The following ZNF197 variants were observed in gnomAD, a reference collection of about 807,000 sequenced individuals.
ZNF197 encodes the protein zinc finger protein 197, also known as VHL-associated KRAB-A domain-containing protein.
ZNF197 carries 14 observed loss-of-function variants against 27.4 expected under a neutral mutation model. The observed-to-expected ratio is 0.51, with a 90% CI of 0.34 to 0.80. The LOEUF (loss-of-function observed/expected upper bound fraction) is 0.80. ZNF197 is among the 30% of genes least tolerant of loss of function. The pLI is 0.02. For synonymous variants in ZNF197, 415 were observed against 420.0 expected (o/e 0.99, Z 0.15); for missense variants, 1,090 against 1,222.6 (o/e 0.89, Z 1.62).
chr3:44,630,626 G>A (rs1463703046), intron 2 of ZNF197, among the ~76,000 whole-genome samples: 1 of 152,206 alleles, frequency 6.6e-6, no homozygotes, highest in African/African-American at 2.4e-5. Context: ...AAAACCAAGT[G>A]TCTTGGTGCC....
In ZNF197 at chr3:44,643,751, A is replaced by G; in HGVS notation, c.2621A>G (p.Tyr874Cys). ...HQRIHSGEKT[Y>C]ECHVCRKVLT... ...AGAATTCACAGTGGAGAAAAAACCT[A>G]CGAATGTCATGTATGTAGGAAAGTC... is the stretch of plus-strand genomic sequence containing the variant. The change falls in exon 6 of 6, where the codon TAC becomes TGC. Residue 874 changes from tyrosine to cysteine, a missense_variant. Physicochemically the swap from Tyr to Cys is radical, Grantham distance 194. Coordinates refer to ENST00000344387, the MANE Select transcript of ZNF197 (RefSeq NM_006991.5). 1.9e-6 allele frequency: 3 copies of G among 1,614,064 alleles called. No homozygotes were observed. Among genetic ancestry groups the G allele is most frequent in the Non-Finnish European group, 2.5e-6 (3 of 1,180,018 alleles).
rs763091725 is a variant in ZNF197, at chr3:44,629,381, G to T, written c.227G>T (p.Arg76Leu). ...CGCCGGTGGCTGAGACCAGAAGCAC[G>T]CACCAAGGCACAGATCCTGGAGCTG... ...LCRRWLRPEA[R>L]TKAQILELLV... The change falls in exon 2 of 6, where the codon CGC (arginine) becomes CTC (leucine). Residue 76 changes from arginine to leucine, a missense_variant. Arg to Leu is a moderately radical substitution (Grantham distance 102). Coordinates refer to ENST00000344387, the MANE Select transcript of ZNF197 (RefSeq NM_006991.5). The T allele has an allele frequency of 6.2e-7, 1 of 1,614,080 alleles. No homozygotes were observed.
intron 5 of ZNF197, among the ~76,000 whole-genome samples, chr3:44,636,407 A>G (rs1314236291): frequency 1.3e-5 from 2 of 152,112 alleles, no homozygotes; most frequent in Non-Finnish European, 2.9e-5. Context: ...ATCCAGCCCT[A>G]GCAGGCACCA....
chr3:44,625,764 A>G (rs1226176331), intron 1 of ZNF197, among the ~76,000 whole-genome samples: 2 of 151,908 alleles, frequency 1.3e-5, no homozygotes, highest in Admixed American at 1.3e-4. Flanking sequence ...ACACACACAC[A>G]CACACACACA....
At chr3:44,635,676 T>C (rs1303221006) in intron 5 of ZNF197, among the ~76,000 whole-genome samples, 1 of 152,196 alleles carries the variant, frequency 6.6e-6, no homozygotes, top group Non-Finnish European at 1.5e-5. Flanking sequence ...TAAGAAATAT[T>C]GAGTACCTCC....
In ZNF197 at chr3:44,642,239, A is replaced by C; in HGVS notation, c.1109A>C (p.Tyr370Ser). 6.2e-7 allele frequency: 1 copy of C among 1,614,128 alleles called. No homozygotes were observed. ...ATAGGTACTGAAGGAAAGAAGTTTT[A>C]TAAATGTGATATGTGTTGTAAACAT... ...SLIGTEGKKF[Y>S]KCDMCCKHFN... Residue 370 changes from tyrosine (Y) to serine (S), a missense_variant, in exon 6 of 6, where the codon TAT (tyrosine) becomes TCT (serine). Physicochemically the swap from Tyr to Ser is moderately radical, Grantham distance 144. Coordinates refer to ENST00000344387, the MANE Select transcript of ZNF197 (RefSeq NM_006991.5).
chr3:44,632,527 T>C lies in ZNF197; in HGVS notation c.697T>C (p.Cys233Arg). ...SVCFTSEEWA[C>R]LGPIQRALYW... ...ATGCTTCACTTCAGAGGAATGGGCA[T>C]GTCTGGGCCCAATCCAGAGGGCCTT... is the stretch of plus-strand genomic sequence containing the variant. Residue 233 changes from cysteine to arginine, a missense_variant, in exon 5 of 6, where the codon TGT becomes CGT. By Grantham distance (180) the Cys-to-Arg change is radical. Transcript: ENST00000344387. The C allele has an allele frequency of 6.2e-7, 1 of 1,610,856 alleles. No individual in the cohort carries two copies. The highest frequency in any genetic ancestry group is 8.5e-7 in the Non-Finnish European group (1 of 1,178,800).
intron 3 of ZNF197, among the ~76,000 whole-genome samples, chr3:44,631,769 C>T (rs1277504555): frequency 6.6e-6 from 1 of 151,204 alleles, no homozygotes; most frequent in South Asian, 2.1e-4. Context: ...GGCACAATCT[C>T]GGCTCACTGC....
At chr3:44,632,637 C>T in intron 5 of ZNF197, 38 bp downstream of exon 5, 1 of 1,432,588 alleles carries the variant, frequency 7.0e-7, no homozygotes, top group Non-Finnish European at 9.2e-7. Context: ...ACCTTTATTT[C>T]ACCAGCCTTT....
chr3:44,631,898 T>C (rs1376804138), intron 3 of ZNF197, among the ~76,000 whole-genome samples: 2 of 151,928 alleles, frequency 1.3e-5, no homozygotes, highest in African/African-American at 4.8e-5. Context: ...AGACAGGGTT[T>C]CACCATGTTG....
chr3:44,631,061 G>T lies in ZNF197; in HGVS notation c.391-1G>T. 6.2e-7 allele frequency: 1 copy of T among 1,613,982 alleles called. No homozygotes were observed. The highest frequency in any genetic ancestry group is 8.5e-7 in the Non-Finnish European group (1 of 1,179,962). On this transcript the variant is annotated splice_acceptor_variant, in intron 2 of 5. Coordinates refer to ENST00000344387, the MANE Select transcript of ZNF197 (RefSeq NM_006991.5). LOFTEE classifies it high-confidence loss of function. The stretch of plus-strand genomic sequence containing the variant: ...AGCTAGCTTATTTTACTTGTTTCCA[G>T]GTTCCAGTCCTTGTCAAGGATCAGG...
chr3:44,632,585 A>G lies in ZNF197; in HGVS notation c.755A>G (p.Asn252Ser). 6.3e-7 allele frequency: 1 copy of G among 1,582,392 alleles called. No individual in the cohort carries two copies. ...GATGTGATGCTGGAGAATTATGGAAATGTGACCTCCCTAGGTAAGGATTCT... is the reference window on the plus strand; with the variant it reads ...GATGTGATGCTGGAGAATTATGGAAGTGTGACCTCCCTAGGTAAGGATTCT... ...YWDVMLENYG[N>S]VTSLEWETMT... Residue 252 changes from asparagine to serine, a missense_variant, in exon 5 of 6, where the codon AAT (asparagine) becomes AGT (serine). Physicochemically the swap from Asn to Ser is conservative, Grantham distance 46. Coordinates refer to ENST00000344387, the MANE Select transcript of ZNF197 (RefSeq NM_006991.5).
chr3:44,628,893 T>A (rs1035245067), intron 1 of ZNF197, 181 bp from the exon 2 acceptor site: 3 of 326,000 alleles, frequency 9.2e-6, no homozygotes, highest in Non-Finnish European at 1.7e-5. Flanking sequence ...AACATGAGTG[T>A]TTGTATCCCA....
Position 44,646,659 on chromosome 3 carries a change from T to C in ZNF197, c.*2439T>C. The C allele has an allele frequency of 1.5e-6, 1 of 648,034 alleles. No individual in the cohort carries two copies. The highest frequency in any genetic ancestry group is 2.8e-6 in the Non-Finnish European group (1 of 357,666). 40.1% of individuals were successfully genotyped at this position (648,034 alleles called of 1,614,324 possible). On this transcript the variant is annotated 3_prime_UTR_variant, in exon 6 of 6. Coordinates refer to ENST00000344387, the MANE Select transcript of ZNF197 (RefSeq NM_006991.5). Reference sequence around the variant, plus strand: ...TGTTCAAGCTGTCTTGAGTCTGCTGTGAGTTTATTATACCATTCTCTGCTT... The same window carrying C: ...TGTTCAAGCTGTCTTGAGTCTGCTGCGAGTTTATTATACCATTCTCTGCTT...
In ZNF197 at chr3:44,647,926, T is replaced by C. The variant is rs2125833228; in HGVS notation, c.*3706T>C. The stretch of plus-strand genomic sequence containing the variant: ...TACACAAATCTATAGGTGCTATACC[T>C]ATACACACATACTGTACCAATGTTG... On this transcript the variant is annotated 3_prime_UTR_variant, in exon 6 of 6. Coordinates refer to ENST00000344387, the MANE Select transcript of ZNF197 (RefSeq NM_006991.5). 6.6e-6 allele frequency: 1 copy of C among 152,316 alleles called. No individual in the cohort carries two copies. Among genetic ancestry groups the C allele is most frequent in the South Asian group, 2.1e-4 (1 of 4,830 alleles). 9.4% of individuals were successfully genotyped at this position (152,316 alleles called of 1,614,324 possible).
Position 44,644,701 on chromosome 3 carries a change from T to C in ZNF197, c.*481T>C, listed in dbSNP as rs1208202160. 3.0e-6 allele frequency: 3 copies of C among 986,180 alleles called. No homozygotes were observed. The highest frequency in any genetic ancestry group is 4.7e-5 in the South Asian group (1 of 21,330). The allele number at this position is 986,180 out of a possible 1,614,324, so 61.1% of individuals were successfully genotyped here. Reference sequence around the variant, plus strand: ...AAAACATAATCCAAATCTAATAACATAGTTGTAAATGAGAGCAACAATAAA... The same window carrying C: ...AAAACATAATCCAAATCTAATAACACAGTTGTAAATGAGAGCAACAATAAA... On this transcript the variant is annotated 3_prime_UTR_variant, in exon 6 of 6. Coordinates refer to ENST00000344387, the MANE Select transcript of ZNF197 (RefSeq NM_006991.5).
rs757003109 is a variant in ZNF197 at position 44,643,330 on chromosome 3, T to G, written c.2200T>G (p.Tyr734Asp). ...HQKLHTQEKA[Y>D]KCEDCGKAFS... ...GAAACTCCATACACAAGAGAAAGCC[T>G]ACAAATGTGAGGATTGTGGGAAGGC... Residue 734 changes from tyrosine (Y) to aspartate (D), a missense_variant, in exon 6 of 6, where the codon TAC becomes GAC. Tyr to Asp is a radical substitution (Grantham distance 160). Transcript: ENST00000344387. The G allele has an allele frequency of 1.2e-6, 2 of 1,613,940 alleles. No homozygotes were observed. Among genetic ancestry groups the G allele is most frequent in the Admixed American group, 3.3e-5 (2 of 59,988 alleles).
At chr3:44,632,077 C>T in intron 3 of ZNF197, 28 bp from the exon 4 acceptor site, 1 of 1,606,476 alleles carries the variant, frequency 6.2e-7, no homozygotes, top group Non-Finnish European at 8.5e-7. Flanking sequence ...TTTGTAGGTC[C>T]CATATGCAGC....
Position 44,644,066 on chromosome 3 carries a change from T to G in ZNF197, c.2936T>G (p.Ile979Ser), listed in dbSNP as rs1254203194. 1 of 1,614,018 alleles carries G rather than the reference T, an allele frequency of 6.2e-7. No homozygotes were observed. Among genetic ancestry groups the G allele is most frequent in the Admixed American group, 1.7e-5 (1 of 59,990 alleles). ...AAAAACCTTACTGTACATCAGAAAA[T>G]CCACACAGATGAAAAACCTTGTGAA... ...QRKNLTVHQK[I>S]HTDEKPCECD... The change falls in exon 6 of 6, where the codon ATC becomes AGC. Residue 979 changes from isoleucine (I) to serine (S), a missense_variant. Coordinates refer to ENST00000344387, the MANE Select transcript of ZNF197 (RefSeq NM_006991.5).
Sources: allele counts gnomAD v4.1 joint callset (sites outside exome capture counted in the v4.1 genomes callset), GRCh38; gene constraint gnomAD v4.1.1; transcripts MANE v1.5; gene names NCBI Gene and HGNC (gene_info 2026-07-23, HGNC 2026-07-21).